SLC22A25: variants seen among roughly 807,000 people sequenced by gnomAD.
SLC22A25 encodes solute carrier family 22 member 25.
In SLC22A25, 44 loss-of-function variants were observed where a neutral mutation model predicts 45.9. The observed-to-expected ratio is 0.96, with a 90% CI of 0.75 to 1.23. The LOEUF is 1.23. Ranked by LOEUF, SLC22A25 falls within the 50% of genes most tolerant of loss-of-function variation. The probability of loss-of-function intolerance (pLI) is 0.00; values close to 1 mark genes in which losing one functional copy is unlikely to be tolerated. For synonymous variants in SLC22A25, 283 were observed against 238.6 expected (o/e 1.19, Z -1.72); for missense variants, 800 against 666.4 (o/e 1.20, Z -2.21).
intron 5 of SLC22A25, among the ~76,000 whole-genome samples, chr11:63,219,665 T>C (rs563426118): frequency 1.8e-4 from 27 of 152,172 alleles, no homozygotes; most frequent in Non-Finnish European, 3.5e-4. Flanking sequence ...TCAATTAATA[T>C]TTCCCCCCAG....
At position 63,163,755 on chromosome 11, in the gene SLC22A25, A is replaced by G; in HGVS notation, c.*69T>C. 1.3e-6 allele frequency: 2 copies of G among 1,537,292 alleles called. No homozygotes were observed. The highest frequency in any genetic ancestry group is 2.0e-5 in the Admixed American group (1 of 49,010). On this transcript the variant is annotated 3_prime_UTR_variant, in exon 12 of 12. Coordinates refer to ENST00000306494, the MANE Select transcript of SLC22A25 (RefSeq NM_199352.6). ...AGGCAAAGGCACTGACTACATGGGA[A>G]TAGCCCAGATCTAAGCCTTTTTGGG...
chr11:63,199,824 T>TG (rs2089181835), intron 7 of SLC22A25, among the ~76,000 whole-genome samples: 1 of 109,836 alleles, frequency 9.1e-6, no homozygotes, highest in African/African-American at 4.1e-5. Flanking sequence ...TGTAACCTCA[T>TG]ATATTCAGCC....
chr11:63,186,386 G>T (rs1195064428), intron 7 of SLC22A25, among the ~76,000 whole-genome samples: 1 of 150,962 alleles, frequency 6.6e-6, no homozygotes, highest in Non-Finnish European at 1.5e-5. Flanking sequence ...CTTTTTGTTG[G>T]GATTGTTTGT....
At chr11:63,216,703 C>T (rs1205480625) in intron 7 of SLC22A25, among the ~76,000 whole-genome samples, 2 of 152,048 alleles carry the variant, frequency 1.3e-5, no homozygotes, top group African/African-American at 4.8e-5. Context: ...GGAAAAATTA[C>T]AAACGGGTAT....
At chr11:63,192,877 A>G (rs550434673) in intron 7 of SLC22A25, among the ~76,000 whole-genome samples, 2 of 152,324 alleles carry the variant, frequency 1.3e-5, no homozygotes, top group Non-Finnish European at 2.9e-5. Context: ...TTCCCACACA[A>G]TAAGAGTGGG....
intron 8 of SLC22A25, among the ~76,000 whole-genome samples, chr11:63,182,244 G>C (rs1459661667): frequency 1.3e-5 from 2 of 152,122 alleles, no homozygotes; most frequent in African/African-American, 2.4e-5. Context: ...GTGCTGAGGG[G>C]ACAGTCAGTT....
At chr11:63,174,164 A>G (rs1002582242) in intron 9 of SLC22A25, among the ~76,000 whole-genome samples, 1 of 151,870 alleles carries the variant, frequency 6.6e-6, no homozygotes, top group African/African-American at 2.4e-5. Flanking sequence ...TGGTTTTCTG[A>G]TCTTGTGAGT....
intron 9 of SLC22A25, among the ~76,000 whole-genome samples, chr11:63,180,080 C>T (rs531558702): frequency 3.0e-4 from 45 of 152,258 alleles, no homozygotes; most frequent in African/African-American, 1.0e-3. Flanking sequence ...TTCAGTGCAA[C>T]TGTTTTTGGT....
chr11:63,228,615 C>A (rs2090009925), intron 4 of SLC22A25, 51 bp from the exon 5 acceptor site: 1 of 1,379,160 alleles, frequency 7.3e-7, no homozygotes, highest in South Asian at 1.2e-5. Context: ...CTCAGTGTAA[C>A]CTTATCAAAA....
At chr11:63,211,607 T>C (rs1318317766) in intron 7 of SLC22A25, among the ~76,000 whole-genome samples, 1 of 152,162 alleles carries the variant, frequency 6.6e-6, no homozygotes, top group Non-Finnish European at 1.5e-5. Flanking sequence ...GAAAATTGGC[T>C]AGCCATATGT....
At position 63,163,509 on chromosome 11, in the gene SLC22A25, C is replaced by T. The variant is rs960216785; in HGVS notation, c.*315G>A. Among the ~76,000 whole-genome samples, 5 of 152,162 alleles carry T rather than the reference C, an allele frequency of 3.3e-5. No individual in the cohort carries two copies. Among genetic ancestry groups the T allele is most frequent in the African/African-American group, 1.2e-4 (5 of 41,438 alleles). Reference sequence around the variant, plus strand: ...ACAGGTACACTCACTGGGCTGAGGGCTCCCCAGGGATGAGAAGATGGTGTT... The same window carrying T: ...ACAGGTACACTCACTGGGCTGAGGGTTCCCCAGGGATGAGAAGATGGTGTT... On this transcript the variant is annotated 3_prime_UTR_variant, in exon 12 of 12. Transcript: ENST00000306494.
In SLC22A25 at chr11:63,218,349, AG is replaced by A. The variant is rs2089772802; in HGVS notation, c.507-615del. 21 of 235,878 alleles carry A rather than the reference AG, an allele frequency of 8.9e-5. No individual in the cohort carries two copies. The South Asian group carries it at 1.3e-3, about 14-fold the overall frequency. 14.6% of individuals were successfully genotyped at this position (235,878 alleles called of 1,614,324 possible). A position where few individuals can be genotyped will look rare whatever the true frequency, so the allele number is the denominator to read the frequency against. On this transcript the variant is annotated intron_variant, in intron 5 of 11. Coordinates refer to ENST00000306494, the MANE Select transcript of SLC22A25 (RefSeq NM_199352.6). ...AACAATAGATGCTGGGGACTACAAG[AG>A]TTGGCAGGGAGGGAGGGGAAAAGGG... is the stretch of plus-strand genomic sequence containing the variant.
intron 7 of SLC22A25, among the ~76,000 whole-genome samples, chr11:63,198,710 A>T (rs569172580): frequency 6.6e-6 from 1 of 152,294 alleles, no homozygotes; most frequent in African/African-American, 2.4e-5. Flanking sequence ...TAGTACTTTA[A>T]GTATAATAAA....
chr11:63,198,334 T>C (rs1018419591), intron 7 of SLC22A25, among the ~76,000 whole-genome samples: 36 of 152,318 alleles, frequency 2.4e-4, no homozygotes, highest in Non-Finnish European at 2.2e-4. Context: ...CAAATGTCGA[T>C]CAATGATAGA....
chr11:63,226,814 C>G (rs1351744371), intron 5 of SLC22A25, among the ~76,000 whole-genome samples: 1 of 152,182 alleles, frequency 6.6e-6, no homozygotes, highest in Non-Finnish European at 1.5e-5. Flanking sequence ...ATAAATCTAC[C>G]CATCATTCTA....
intron 9 of SLC22A25, among the ~76,000 whole-genome samples, chr11:63,172,943 C>T (rs1467457474): frequency 6.6e-6 from 1 of 151,958 alleles, no homozygotes; most frequent in African/African-American, 2.4e-5. Flanking sequence ...GCACTATTCA[C>T]AATAGCATAG....
intron 5 of SLC22A25, chr11:63,218,361 G>A (rs548468734): frequency 7.9e-5 from 18 of 229,158 alleles, no homozygotes; most frequent in African/African-American, 3.7e-4. Context: ...TTGGCAGGGA[G>A]GGAGGGGAAA....
intron 7 of SLC22A25, among the ~76,000 whole-genome samples, chr11:63,211,893 G>A (rs1210076396): frequency 5.3e-5 from 8 of 151,920 alleles, no homozygotes; most frequent in African/African-American, 1.7e-4. Context: ...CTACAGAATG[G>A]GAGAAAACTT....
In SLC22A25 at chr11:63,159,271, C is replaced by T. The variant is rs1428987499; in HGVS notation, c.*4553G>A. Among the ~76,000 whole-genome samples the T allele has an allele frequency of 6.6e-6, 1 of 152,054 alleles. No individual in the cohort carries two copies. The highest frequency in any genetic ancestry group is 2.4e-5 in the African/African-American group (1 of 41,384). ...TTATTTCCTTTCTTTTGGGTATATG[C>T]CTTTGATATGATTTGGCTGCACCCC... On this transcript the variant is annotated 3_prime_UTR_variant, in exon 12 of 12. Transcript: ENST00000306494.
Sources: allele counts gnomAD v4.1 joint callset (sites outside exome capture counted in the v4.1 genomes callset), GRCh38; gene constraint gnomAD v4.1.1; transcripts MANE v1.5; gene names NCBI Gene and HGNC (gene_info 2026-07-23, HGNC 2026-07-21).